RELN: variants seen among roughly 807,000 people sequenced by gnomAD.
The protein encoded by RELN is reelin.
In RELN, 108 loss-of-function variants were observed where a neutral mutation model predicts 427.6. The observed-to-expected ratio is 0.25, with a 90% CI of 0.22 to 0.30. RELN has a LOEUF of 0.30. Among genes scored for constraint, RELN ranks in the 10% least tolerant of loss-of-function variants. The pLI is 1.00. For synonymous variants in RELN, 1,524 were observed against 1,513.4 expected (o/e 1.01, Z -0.16); for missense variants, 3,715 against 4,302.8 (o/e 0.86, Z 3.82).
chr7:103,565,705 C>T (rs1409380966), intron 33 of RELN, among the ~76,000 whole-genome samples, 154 bp from the exon 34 acceptor site: 1 of 152,106 alleles, frequency 6.6e-6, no homozygotes, highest in Non-Finnish European at 1.5e-5. Context: ...ATATTTTCTG[C>T]TTCTATTTGG....
At chr7:103,975,522 T>TC (rs1796853416) in intron 1 of RELN, among the ~76,000 whole-genome samples, 2 of 143,816 alleles carry the variant, frequency 1.4e-5, no homozygotes, top group Admixed American at 6.9e-5. Context: ...GCAGTATTTA[T>TC]TTATTTATTT....
chr7:103,762,214 G>A (rs1277512543), intron 4 of RELN, among the ~76,000 whole-genome samples: 1 of 152,150 alleles, frequency 6.6e-6, no homozygotes, highest in Non-Finnish European at 1.5e-5. Flanking sequence ...GCTGTAGGAG[G>A]TGGTGAGTGC....
intron 60 of RELN, 97 bp from the exon 61 acceptor site, chr7:103,486,513 C>G (rs1828445944): frequency 1.1e-6 from 1 of 905,214 alleles, no homozygotes; most frequent in African/African-American, 1.7e-5. Flanking sequence ...GTAGTTGTTA[C>G]TGTAAGAATG....
At chr7:103,776,425 G>T in intron 4 of RELN, 132 bp downstream of exon 4, 2 of 878,080 alleles carry the variant, frequency 2.3e-6, no homozygotes, top group Non-Finnish European at 3.8e-6. Context: ...TTAGTGATAC[G>T]AAGGGTCAAT....
In RELN at chr7:103,563,243, C is replaced by T. The variant is rs898788185; in HGVS notation, c.5211-1290G>A. Among the ~76,000 whole-genome samples, 4 of 152,128 alleles carry T rather than the reference C, an allele frequency of 2.6e-5. No homozygotes were observed. The highest frequency in any genetic ancestry group is 2.0e-4 in the Admixed American group (3 of 15,284). On this transcript the variant is annotated intron_variant, in intron 34 of 64. Coordinates refer to ENST00000428762, the MANE Select transcript of RELN (RefSeq NM_005045.4). The surrounding 1 kb of genome is among the most constrained non-coding windows in gnomAD (Gnocchi z 4.1). ...ATGTGCTGCATAATGACGTTTCTGT[C>T]GATGATGGACTGCATTTATGACAAT... is the stretch of plus-strand genomic sequence containing the variant.
At chr7:103,691,361 A>G (rs1390441360) in intron 10 of RELN, among the ~76,000 whole-genome samples, 4 of 152,172 alleles carry the variant, frequency 2.6e-5, no homozygotes, top group Admixed American at 2.0e-4. Context: ...AAATATCTAA[A>G]GAAGACAAGA....
At chr7:103,861,651 G>A (rs945542725) in intron 2 of RELN, among the ~76,000 whole-genome samples, 1 of 152,096 alleles carries the variant, frequency 6.6e-6, no homozygotes, top group Admixed American at 6.6e-5. Context: ...CACATATTGC[G>A]AAGAGACCCA....
rs146628784 is a variant in RELN, at chr7:103,522,978, A to G, written c.7490+413T>C. On this transcript the variant is annotated intron_variant, in intron 47 of 64. Transcript: ENST00000428762. The stretch of plus-strand genomic sequence containing the variant: ...CTACATACTTTCTTAGGCAAACAAC[A>G]TAGCAATATAAATTAAACAATGACA... Among the ~76,000 whole-genome samples, 259 of 152,348 alleles carry G rather than the reference A, an allele frequency of 1.7e-3. 2 individuals carry two copies. The highest frequency in any genetic ancestry group is 6.0e-3 in the African/African-American group (248 of 41,582).
chr7:103,896,042 C>T (rs1300741961), intron 2 of RELN, among the ~76,000 whole-genome samples: 1 of 151,972 alleles, frequency 6.6e-6, no homozygotes, highest in African/African-American at 2.4e-5. Flanking sequence ...TTTGAACAGA[C>T]CCTTGACAAA....
chr7:103,667,779 A>ACG (rs1833302912), intron 11 of RELN, among the ~76,000 whole-genome samples: 1 of 152,232 alleles, frequency 6.6e-6, no homozygotes, highest in Non-Finnish European at 1.5e-5. Context: ...CCTTGCACAA[A>ACG]GTTTATCATG....
chr7:103,725,526 C>T (rs1195852212), intron 7 of RELN, among the ~76,000 whole-genome samples: 1 of 152,080 alleles, frequency 6.6e-6, no homozygotes, highest in Admixed American at 6.6e-5. Flanking sequence ...CATGATGGCA[C>T]ACCTGGACAC....
At position 103,674,251 on chromosome 7, in the gene RELN, C is replaced by T. The variant is rs1196713540; in HGVS notation, c.1289+7865G>A. Among the ~76,000 whole-genome samples the T allele has an allele frequency of 4.6e-5, 7 of 152,158 alleles. No homozygotes were observed. In the East Asian group the frequency reaches 1.3e-3, roughly 29 times the overall value. ...CTCGCATCTCTAATTGTTTCTTCCT[C>T]ATAAAATTTGTTCTAATTTCACAAA... On this transcript the variant is annotated intron_variant, in intron 11 of 64. Coordinates refer to ENST00000428762, the MANE Select transcript of RELN (RefSeq NM_005045.4).
At chr7:103,922,511 T>C (rs1391952960) in intron 1 of RELN, among the ~76,000 whole-genome samples, 5 of 152,170 alleles carry the variant, frequency 3.3e-5, no homozygotes, top group African/African-American at 1.2e-4. Context: ...ACATCTGTGT[T>C]AAATTGGCAA....
intron 1 of RELN, among the ~76,000 whole-genome samples, chr7:103,938,485 C>T (rs977544473): frequency 2.0e-5 from 3 of 151,912 alleles, no homozygotes; most frequent in African/African-American, 7.3e-5. Flanking sequence ...ACTTATAATC[C>T]TTAAATTTCA....
In RELN at chr7:103,904,385, TG is replaced by T. The variant is rs1448231033; in HGVS notation, c.337+12689del. ...GGTACATATCCAGTAATGGGATTGC[TG>T]GGTCAAATGGTATTTCTGGTTCTAG... On this transcript the variant is annotated intron_variant, in intron 2 of 64. Transcript: ENST00000428762. 2.0e-5 allele frequency among the ~76,000 whole-genome samples: 3 copies of T among 152,278 alleles called. No homozygotes were observed. In the East Asian group the frequency reaches 5.8e-4, roughly 29 times the overall value.
intron 1 of RELN, among the ~76,000 whole-genome samples, chr7:103,985,564 C>T (rs1237921915): frequency 6.6e-6 from 1 of 152,136 alleles, no homozygotes; most frequent in Non-Finnish European, 1.5e-5. Context: ...TCAGGGGCAT[C>T]CAAGTCTTTC....
intron 63 of RELN, among the ~76,000 whole-genome samples, chr7:103,482,453 C>T (rs1263402071): frequency 6.6e-6 from 1 of 152,164 alleles, no homozygotes; most frequent in Non-Finnish European, 1.5e-5. Flanking sequence ...CCACATCATT[C>T]AATGGAGAAT....
At chr7:103,607,659 T>A (rs1434087607) in intron 22 of RELN, among the ~76,000 whole-genome samples, 1 of 152,226 alleles carries the variant, frequency 6.6e-6, no homozygotes, top group Non-Finnish European at 1.5e-5. Context: ...TTCCTTCCCA[T>A]ATAACTTGAA....
intron 8 of RELN, among the ~76,000 whole-genome samples, chr7:103,702,937 C>T (rs729744): frequency 1.3e-5 from 2 of 152,064 alleles, no homozygotes. Context: ...CCCCAGTAGG[C>T]TAAAGGTGTA....
Sources: allele counts gnomAD v4.1 joint callset (sites outside exome capture counted in the v4.1 genomes callset), GRCh38; gene constraint gnomAD v4.1.1; non-coding constraint Gnocchi (gnomAD v3.1); transcripts MANE v1.5; gene names NCBI Gene and HGNC (gene_info 2026-07-23, HGNC 2026-07-21).